The following GPC5 variants were observed in gnomAD, a reference collection of about 807,000 sequenced individuals.
GPC5 encodes the protein glypican 5, also known as glypican-5.
In GPC5, 47 loss-of-function variants were observed where a neutral mutation model predicts 53.9. The observed-to-expected ratio is 0.87, with a 90% CI of 0.69 to 1.11. GPC5 has a LOEUF of 1.11. GPC5 is among the 50% of genes most tolerant of loss of function. GPC5 has a pLI of 0.00. For synonymous variants in GPC5, 286 were observed against 263.3 expected, an observed-to-expected ratio of 1.09 and a Z score of -0.84; for missense variants, 748 against 713.1, an observed-to-expected ratio of 1.05 and a Z score of -0.56.
At chr13:92,152,683 G>A (rs1218780164) in intron 7 of GPC5, among the ~76,000 whole-genome samples, 3 of 149,302 alleles carry the variant, frequency 2.0e-5, no homozygotes, top group Non-Finnish European at 3.0e-5. Context: ...AGCTTGCAGT[G>A]AGCCCAGATC....
intron 7 of GPC5, among the ~76,000 whole-genome samples, chr13:92,195,365 T>A (rs1381939736): frequency 6.6e-6 from 1 of 152,186 alleles, no homozygotes; most frequent in African/African-American, 2.4e-5. Flanking sequence ...GCAAAGTGTG[T>A]CATCTTTATT....
intron 5 of GPC5, among the ~76,000 whole-genome samples, chr13:91,861,758 TCTC>T (rs2039031616): frequency 2.1e-5 from 2 of 94,890 alleles, no homozygotes; most frequent in Admixed American, 1.1e-4. Flanking sequence ...GTTTCTTGTT[TCTC>T]TTCTCTTATT....
At chr13:91,907,859 T>A in intron 5 of GPC5, 78 bp from the exon 6 acceptor site, 1 of 1,478,930 alleles carries the variant, frequency 6.8e-7, no homozygotes. Flanking sequence ...AATTCCGACC[T>A]CAAATATGTT....
At chr13:92,755,282 G>A (rs1451804649) in intron 7 of GPC5, among the ~76,000 whole-genome samples, 13 of 141,348 alleles carry the variant, frequency 9.2e-5, no homozygotes, top group African/African-American at 3.2e-4. Flanking sequence ...TGAAACCAAC[G>A]AGAACAAAGA....
At chr13:92,095,049 A>G (rs1260882763) in intron 6 of GPC5, among the ~76,000 whole-genome samples, 3 of 152,132 alleles carry the variant, frequency 2.0e-5, no homozygotes, top group African/African-American at 7.2e-5. Context: ...AAGCTCAAAC[A>G]TTTCTTAAAA....
chr13:91,728,441 C>T (rs754133275), intron 3 of GPC5, 91 bp from the exon 4 acceptor site: 137 of 1,215,678 alleles, frequency 1.1e-4, no homozygotes, highest in Non-Finnish European at 1.3e-4. Flanking sequence ...AAAGCAAAAA[C>T]GTGTCATTGT....
intron 7 of GPC5, among the ~76,000 whole-genome samples, chr13:92,421,176 G>T (rs186318235): frequency 6.6e-6 from 1 of 152,046 alleles, no homozygotes; most frequent in Admixed American, 6.6e-5. Context: ...AGTTTAGAGC[G>T]CAATCCCTTT....
chr13:91,564,996 G>GT (rs2031462340), intron 2 of GPC5, among the ~76,000 whole-genome samples: 1 of 119,066 alleles, frequency 8.4e-6, no homozygotes, highest in Non-Finnish European at 1.6e-5. Flanking sequence ...TTTTTTTTGG[G>GT]GGGGGGTCGG....
intron 7 of GPC5, among the ~76,000 whole-genome samples, chr13:92,512,664 A>T (rs542438818): frequency 2.1e-4 from 32 of 152,234 alleles, no homozygotes; most frequent in Admixed American, 6.5e-4. Context: ...TTCAGTGTTC[A>T]TTTAGAAGAG....
intron 7 of GPC5, among the ~76,000 whole-genome samples, chr13:92,344,919 T>G (rs894024559): frequency 6.6e-6 from 1 of 152,052 alleles, no homozygotes; most frequent in African/African-American, 2.4e-5. Context: ...AGAATATGAG[T>G]AAACAGGTCA....
At chr13:91,424,253 A>T (rs1453240633) in intron 1 of GPC5, among the ~76,000 whole-genome samples, 2 of 150,642 alleles carry the variant, frequency 1.3e-5, no homozygotes, top group Non-Finnish European at 2.9e-5. Context: ...TGGCAAGTAC[A>T]TCAGTTTCAT....
intron 7 of GPC5, among the ~76,000 whole-genome samples, chr13:92,173,125 A>G (rs1172537664): frequency 2.0e-5 from 3 of 151,802 alleles, no homozygotes; most frequent in East Asian, 3.9e-4. Context: ...TTTGTTGTCT[A>G]TATGCTGTGA....
At chr13:92,797,870 T>TAGATA (rs71123436) in intron 7 of GPC5, among the ~76,000 whole-genome samples, 2 of 124,882 alleles carry the variant, frequency 1.6e-5, no homozygotes, top group Non-Finnish European at 3.5e-5. Context: ...GATAGATAGA[T>TAGATA]GATAGATGAT....
At chr13:91,435,970 T>G (rs1879908375) in intron 1 of GPC5, among the ~76,000 whole-genome samples, 1 of 152,224 alleles carries the variant, frequency 6.6e-6, no homozygotes, top group East Asian at 1.9e-4. Flanking sequence ...CTAGTTTATT[T>G]GCGTAGAGGT....
At chr13:92,426,421 A>G (rs1040234711) in intron 7 of GPC5, among the ~76,000 whole-genome samples, 2 of 152,114 alleles carry the variant, frequency 1.3e-5, no homozygotes, top group African/African-American at 4.8e-5. Context: ...AGAAATTTCA[A>G]TCAGCTTTCC....
chr13:91,926,385 A>G (rs994108215), intron 6 of GPC5, among the ~76,000 whole-genome samples: 8 of 148,910 alleles, frequency 5.4e-5, no homozygotes, highest in Non-Finnish European at 1.0e-4. Context: ...AAAAAAATCT[A>G]TGCAAAGCTT....
chr13:92,170,420 CT>C (rs61418155), intron 7 of GPC5, among the ~76,000 whole-genome samples: 170 of 75,252 alleles, frequency 2.3e-3, no homozygotes, highest in African/African-American at 7.3e-3. Context: ...CTTTTCTTTG[CT>C]TTTTTTTTTT....
chr13:91,590,511 T>G (rs2032758257), intron 2 of GPC5, among the ~76,000 whole-genome samples: 1 of 152,182 alleles, frequency 6.6e-6, no homozygotes, highest in African/African-American at 2.4e-5. Context: ...GAATTTAATG[T>G]GTTTCTTTGA....
At chr13:91,728,723 A>T in intron 4 of GPC5, 58 bp downstream of exon 4, 5 of 1,511,166 alleles carry the variant, frequency 3.3e-6, no homozygotes, top group Non-Finnish European at 4.5e-6. Flanking sequence ...TAATTTTACA[A>T]CAGAATAGAA....
Sources: gnomAD v4.1 joint callset for allele counts (sites outside exome capture counted in the v4.1 genomes callset) on GRCh38, gnomAD v4.1.1 for gene constraint, MANE v1.5 for transcripts, NCBI Gene and HGNC (gene_info 2026-07-23, HGNC 2026-07-21) for gene names.